The following TRAPPC3L variants were observed in gnomAD, a reference collection of about 807,000 sequenced individuals.
TRAPPC3L encodes the protein trafficking protein particle complex subunit 3-like protein.
Under a neutral mutation model 23.7 loss-of-function variants are expected in TRAPPC3L, and 23 were observed. The observed-to-expected ratio is 0.97, with a 90% CI of 0.70 to 1.37. The LOEUF is 1.37. Ranked by LOEUF, TRAPPC3L falls within the 40% of genes most tolerant of loss-of-function variation. The pLI, the probability that TRAPPC3L is intolerant of heterozygous loss-of-function variation, is 0.00. For missense variants in TRAPPC3L, 212 were observed against 216.8 expected (o/e 0.98, Z 0.14); for synonymous variants, 81 against 77.9 (o/e 1.04, Z -0.21).
At chr6:116,542,805 A>G (rs1440153940) in intron 2 of TRAPPC3L, among the ~76,000 whole-genome samples, 1 of 152,124 alleles carries the variant, frequency 6.6e-6, no homozygotes, top group African/African-American at 2.4e-5. Flanking sequence ...GCTATCTTAA[A>G]ATAAACTCTC....
At chr6:116,545,388 G>A in intron 1 of TRAPPC3L, 85 bp downstream of exon 1, 1 of 1,186,782 alleles carries the variant, frequency 8.4e-7, no homozygotes. Flanking sequence ...AATTCTTATA[G>A]CATCAGTTTT....
intron 3 of TRAPPC3L, among the ~76,000 whole-genome samples, chr6:116,526,285 A>C (rs190648895): frequency 6.6e-6 from 1 of 152,304 alleles, no homozygotes; most frequent in Admixed American, 6.5e-5. Flanking sequence ...TTTTATTTGA[A>C]GCATGTAAAA....
intron 3 of TRAPPC3L, among the ~76,000 whole-genome samples, chr6:116,506,016 A>G (rs970130963): frequency 1.1e-4 from 17 of 152,166 alleles, no homozygotes; most frequent in African/African-American, 3.9e-4. Flanking sequence ...AAATAAACAA[A>G]CGGGATCTAA....
At chr6:116,503,124 G>A (rs1427840343) in intron 3 of TRAPPC3L, among the ~76,000 whole-genome samples, 2 of 152,076 alleles carry the variant, frequency 1.3e-5, no homozygotes, top group South Asian at 2.1e-4. Flanking sequence ...GTATTCAGGA[G>A]ACCCATCTCA....
chr6:116,511,810 T>C, intron 3 of TRAPPC3L: 1 of 1,614,074 alleles, frequency 6.2e-7, no homozygotes, highest in Non-Finnish European at 8.5e-7. Context: ...CTGTTGTGGC[T>C]TTTAAGTGCC....
intron 3 of TRAPPC3L, chr6:116,518,475 T>C (rs1426358389): frequency 6.6e-6 from 1 of 152,366 alleles, no homozygotes; most frequent in Non-Finnish European, 1.5e-5. Context: ...TGTGTGTGTA[T>C]GTGGCAGGGA....
intron 3 of TRAPPC3L, among the ~76,000 whole-genome samples, chr6:116,529,634 A>C (rs544787370): frequency 6.6e-6 from 1 of 152,216 alleles, no homozygotes; most frequent in Admixed American, 6.5e-5. Flanking sequence ...CAGAAGTTAC[A>C]TGTCATCTGG....
At position 116,537,535 on chromosome 6, in the gene TRAPPC3L, C is replaced by T. The variant is rs941441456; in HGVS notation, c.240+2828G>A. On this transcript the variant is annotated intron_variant, in intron 3 of 4. Coordinates refer to ENST00000368602, the MANE Select transcript of TRAPPC3L (RefSeq NM_001139444.3). Reference sequence around the variant, plus strand: ...GAATTCATTTTCTTTCCTATGCTCTCCATAGAACATTTCTTACTCGATTCC... The same window carrying T: ...GAATTCATTTTCTTTCCTATGCTCTTCATAGAACATTTCTTACTCGATTCC... 2.0e-5 allele frequency among the ~76,000 whole-genome samples: 3 copies of T among 152,224 alleles called. No homozygotes were observed. In the East Asian group the frequency reaches 5.8e-4, roughly 29 times the overall value.
chr6:116,545,455 T>G lies in TRAPPC3L; in HGVS notation c.42+18A>C. The G allele has an allele frequency of 1.9e-6, 3 of 1,539,052 alleles. No homozygotes were observed. The highest frequency in any genetic ancestry group is 1.8e-6 in the Non-Finnish European group (2 of 1,140,380). On this transcript the variant is annotated intron_variant, in intron 1 of 4. Transcript: ENST00000368602. ...TTTTCTCTGAAGTAGAAAAAATCTC[T>G]TTGTAGAAAGATCTTACTATTTTAT... is the stretch of plus-strand genomic sequence containing the variant.
intron 3 of TRAPPC3L, chr6:116,512,322 C>T: frequency 2.2e-6 from 3 of 1,386,338 alleles, no homozygotes; most frequent in Non-Finnish European, 2.9e-6. Flanking sequence ...CTGTCTGTGT[C>T]CTGTCAGAAT....
At chr6:116,509,087 G>GTT (rs1772058546) in intron 3 of TRAPPC3L, among the ~76,000 whole-genome samples, 1 of 95,460 alleles carries the variant, frequency 1.0e-5, no homozygotes, top group Non-Finnish European at 2.0e-5. Context: ...TTTTATAAGA[G>GTT]TTGTAAAAAA....
rs1358740166 is a variant in TRAPPC3L at position 116,496,163 on chromosome 6, G to T, written c.*791C>A. On this transcript the variant is annotated 3_prime_UTR_variant, in exon 5 of 5. Coordinates refer to ENST00000368602, the MANE Select transcript of TRAPPC3L (RefSeq NM_001139444.3). ...GTCACAAAGAAAACATCCTTTGGAA[G>T]ATTTTTTAGAGGATGAAAATGATAG... The T allele has an allele frequency of 6.6e-6, 1 of 152,124 alleles. No individual in the cohort carries two copies. Among genetic ancestry groups the T allele is most frequent in the African/African-American group, 2.4e-5 (1 of 41,420 alleles). The allele number at this position is 152,124 out of a possible 1,614,324, so 9.4% of individuals were successfully genotyped here.
At chr6:116,543,788 C>G in intron 1 of TRAPPC3L, 3 of 1,527,970 alleles carry the variant, frequency 2.0e-6, no homozygotes, top group Non-Finnish European at 2.6e-6. Flanking sequence ...TTGGATAAGA[C>G]TTCTCAGGCG....
intron 3 of TRAPPC3L, among the ~76,000 whole-genome samples, chr6:116,531,588 A>G (rs1772728385): frequency 6.6e-6 from 1 of 152,144 alleles, no homozygotes; most frequent in Non-Finnish European, 1.5e-5. Flanking sequence ...TCTCTACAAT[A>G]AACCCTAAAG....
At chr6:116,497,563 A>G (rs1370339189) in intron 4 of TRAPPC3L, among the ~76,000 whole-genome samples, 1 of 152,224 alleles carries the variant, frequency 6.6e-6, no homozygotes, top group Non-Finnish European at 1.5e-5. Flanking sequence ...GAGCTTTGAG[A>G]ATAATATCAA....
rs769239556 is a variant in TRAPPC3L, at chr6:116,500,728, A to G, written c.241-62T>C. ...TAGAACAAATAACTATGAGCAGACT[A>G]AACAAATACCCAGTTCTAGGCATTG... On this transcript the variant is annotated intron_variant, in intron 3 of 4. Coordinates refer to ENST00000368602, the MANE Select transcript of TRAPPC3L (RefSeq NM_001139444.3). The G allele has an allele frequency of 4.8e-5, 68 of 1,415,178 alleles. No homozygotes were observed. In the Middle Eastern group the frequency reaches 5.5e-4, roughly 11 times the overall value. The allele number at this position is 1,415,178 out of a possible 1,614,324, so 87.7% of individuals were successfully genotyped here. A position where few individuals can be genotyped will look rare whatever the true frequency, so the allele number is the denominator to read the frequency against.
chr6:116,531,083 C>T (rs1158301061), intron 3 of TRAPPC3L, among the ~76,000 whole-genome samples: 3 of 151,876 alleles, frequency 2.0e-5, no homozygotes, highest in Non-Finnish European at 4.4e-5. Flanking sequence ...TCTAATTATC[C>T]TGCCATTCTG....
At chr6:116,526,125 T>C (rs898314120) in intron 3 of TRAPPC3L, among the ~76,000 whole-genome samples, 1 of 152,130 alleles carries the variant, frequency 6.6e-6, no homozygotes, top group African/African-American at 2.4e-5. Flanking sequence ...AGAAATGTCC[T>C]CAAAAACACA....
chr6:116,531,199 G>A (rs1193147999), intron 3 of TRAPPC3L, among the ~76,000 whole-genome samples: 1 of 151,812 alleles, frequency 6.6e-6, no homozygotes, highest in Admixed American at 6.6e-5. Flanking sequence ...TTAACACAGG[G>A]CTAGTGATTG....
Sources: gnomAD v4.1 joint callset for allele counts (sites outside exome capture counted in the v4.1 genomes callset) on GRCh38, gnomAD v4.1.1 for gene constraint, MANE v1.5 for transcripts, NCBI Gene and HGNC (gene_info 2026-07-23, HGNC 2026-07-21) for gene names.